Variants in PTPRD observed in about 807,000 individuals in gnomAD.
PTPRD encodes the protein receptor-type tyrosine-protein phosphatase delta.
Under a neutral mutation model 214.5 loss-of-function variants are expected in PTPRD, and 34 were observed. That is an observed-to-expected ratio of 0.16 (90% CI 0.12 to 0.21). The LOEUF (loss-of-function observed/expected upper bound fraction) is 0.21. Among genes scored for constraint, PTPRD ranks in the 10% least tolerant of loss-of-function variants. The pLI, the probability that PTPRD is intolerant of heterozygous loss-of-function variation, is 1.00. For synonymous variants in PTPRD, 1,128 were observed against 845.7 expected (o/e 1.33, Z -5.79); for missense variants, 2,545 against 2,398.7 (o/e 1.06, Z -1.27).
rs35164422 is a variant in PTPRD at position 10,125,622 on chromosome 9, TTGTGTG to T, written c.-544-91838_-544-91833del. Among the ~76,000 whole-genome samples the T allele has an allele frequency of 4.5e-3, 628 of 139,308 alleles. 5 individuals carry two copies. The highest frequency in any genetic ancestry group is 0.015 in the South Asian group (64 of 4,220). 91.4% of individuals were successfully genotyped at this position (139,308 alleles called of 152,430 possible). On this transcript the variant is annotated intron_variant, in intron 3 of 45. Transcript: ENST00000381196. Reference sequence around the variant, plus strand: ...GGCGTGCGCTACCACGCTCGGCTAATTGTGTGTGTGTGTGTGTGTGTGTGTGTGTGT... The same window carrying T: ...GGCGTGCGCTACCACGCTCGGCTAATTGTGTGTGTGTGTGTGTGTGTGTGT...
chr9:9,140,098 G>A (rs1054373169), intron 10 of PTPRD, among the ~76,000 whole-genome samples: 3 of 150,570 alleles, frequency 2.0e-5, no homozygotes, highest in African/African-American at 7.3e-5. Context: ...TAAGACTGAA[G>A]AAGAGTCTAA....
At chr9:10,100,155 A>T (rs1425042163) in intron 3 of PTPRD, among the ~76,000 whole-genome samples, 1 of 151,728 alleles carries the variant, frequency 6.6e-6, no homozygotes, top group Non-Finnish European at 1.5e-5. Flanking sequence ...TTTAGACTTA[A>T]TTCCACAATT....
intron 10 of PTPRD, among the ~76,000 whole-genome samples, chr9:9,049,994 T>C (rs2099681616): frequency 6.6e-6 from 1 of 152,190 alleles, no homozygotes; most frequent in Non-Finnish European, 1.5e-5. Flanking sequence ...GTCTTTGCAA[T>C]GGGAAGGTAG....
intron 5 of PTPRD, among the ~76,000 whole-genome samples, chr9:9,871,300 T>C (rs748506494): frequency 1.4e-4 from 22 of 152,148 alleles, no homozygotes; most frequent in Non-Finnish European, 3.2e-4. Flanking sequence ...ACCAAAAGGG[T>C]AGGTAATGAC....
chr9:8,952,099 T>C (rs1305479652), intron 11 of PTPRD, among the ~76,000 whole-genome samples: 1 of 152,030 alleles, frequency 6.6e-6, no homozygotes, highest in Non-Finnish European at 1.5e-5. Context: ...CTGATTAATG[T>C]TCTCTGTATA....
At chr9:10,081,971 G>C (rs917716538) in intron 3 of PTPRD, among the ~76,000 whole-genome samples, 3 of 152,040 alleles carry the variant, frequency 2.0e-5, no homozygotes, top group Non-Finnish European at 4.4e-5. Context: ...AGGCCACAGA[G>C]AGATTTAGGA....
intron 6 of PTPRD, among the ~76,000 whole-genome samples, chr9:9,765,190 A>G (rs1050622187): frequency 2.0e-5 from 3 of 152,166 alleles, no homozygotes; most frequent in African/African-American, 7.2e-5. Context: ...TATCTGGGAG[A>G]GTTTTCAATT....
chr9:9,135,484 C>T (rs1390664046), intron 10 of PTPRD, among the ~76,000 whole-genome samples: 2 of 152,118 alleles, frequency 1.3e-5, no homozygotes, highest in African/African-American at 4.8e-5. Flanking sequence ...GACTTCTTCA[C>T]ATTGCTGTTG....
intron 5 of PTPRD, among the ~76,000 whole-genome samples, chr9:9,918,604 G>A: frequency 6.6e-6 from 1 of 152,040 alleles, no homozygotes; most frequent in Admixed American, 6.6e-5. Flanking sequence ...AAGCCATCCT[G>A]AGACAAAACA....
intron 9 of PTPRD, among the ~76,000 whole-genome samples, chr9:9,275,819 CTG>C (rs879644613): frequency 6.8e-6 from 1 of 147,308 alleles, no homozygotes; most frequent in Non-Finnish European, 1.5e-5. Flanking sequence ...AGCGAAACAG[CTG>C]TGTGTGTGTG....
At chr9:8,333,373 G>C (rs987875587) in intron 43 of PTPRD, among the ~76,000 whole-genome samples, 1 of 152,158 alleles carries the variant, frequency 6.6e-6, no homozygotes, top group Non-Finnish European at 1.5e-5. Context: ...ATTTGGAGGA[G>C]AGACTGCCTG....
intron 3 of PTPRD, among the ~76,000 whole-genome samples, chr9:10,059,307 C>T (rs1242909790): frequency 6.6e-6 from 1 of 152,132 alleles, no homozygotes; most frequent in Non-Finnish European, 1.5e-5. Context: ...ATGGGCTTCT[C>T]CTCAAGGATT....
intron 8 of PTPRD, among the ~76,000 whole-genome samples, 179 bp from the exon 9 acceptor site, chr9:9,397,661 C>T (rs947946484): frequency 1.3e-5 from 2 of 151,912 alleles, no homozygotes; most frequent in African/African-American, 2.4e-5. Context: ...TCATCACCAC[C>T]ATTTAAGGAG....
chr9:10,287,864 A>G (rs1376513216), intron 3 of PTPRD, among the ~76,000 whole-genome samples: 2 of 152,052 alleles, frequency 1.3e-5, no homozygotes. Context: ...CAAAATGACC[A>G]ACATAGTGTT....
chr9:8,914,057 A>G (rs968187507), intron 11 of PTPRD, among the ~76,000 whole-genome samples: 1 of 152,146 alleles, frequency 6.6e-6, no homozygotes, highest in African/African-American at 2.4e-5. Flanking sequence ...CAGACTAATG[A>G]ATACGTACTA....
intron 9 of PTPRD, among the ~76,000 whole-genome samples, chr9:9,327,077 T>C (rs532232584): frequency 3.9e-5 from 6 of 152,314 alleles, no homozygotes; most frequent in Admixed American, 2.0e-4. Flanking sequence ...ATGCAGCTGT[T>C]CTGTAGTTTA....
At chr9:9,091,795 G>T (rs2099776471) in intron 10 of PTPRD, among the ~76,000 whole-genome samples, 1 of 152,060 alleles carries the variant, frequency 6.6e-6, no homozygotes, top group African/African-American at 2.4e-5. Flanking sequence ...TTCAGGTTGG[G>T]GCAAATGGGA....
intron 12 of PTPRD, among the ~76,000 whole-genome samples, chr9:8,684,521 C>T (rs956882550): frequency 6.6e-6 from 1 of 152,080 alleles, no homozygotes; most frequent in South Asian, 2.1e-4. Context: ...AATCATGTGA[C>T]TAAGGTCTCA....
chr9:9,658,139 T>A (rs912598184), intron 7 of PTPRD, among the ~76,000 whole-genome samples: 4 of 152,298 alleles, frequency 2.6e-5, no homozygotes, highest in African/African-American at 9.6e-5. Flanking sequence ...GTCAGCATTA[T>A]CTAAATGGAG....
Sources: allele counts gnomAD v4.1 joint callset (sites outside exome capture counted in the v4.1 genomes callset), GRCh38; gene constraint gnomAD v4.1.1; transcripts MANE v1.5; gene names NCBI Gene and HGNC (gene_info 2026-07-23, HGNC 2026-07-21).